Variants in COX16 observed in about 807,000 individuals in gnomAD.
The protein encoded by COX16 is cytochrome c oxidase assembly protein COX16 homolog, mitochondrial.
Under a neutral mutation model 15.4 loss-of-function variants are expected in COX16, and 12 were observed. That is an observed-to-expected ratio of 0.78 (90% CI 0.50 to 1.26). The LOEUF (loss-of-function observed/expected upper bound fraction) is 1.26. Ranked by LOEUF, COX16 falls within the 50% of genes most tolerant of loss-of-function variation. COX16 has a pLI of 0.00. For missense variants in COX16, 124 were observed against 127.6 expected, an observed-to-expected ratio of 0.97 and a Z score of 0.14; for synonymous variants, 46 against 41.1, an observed-to-expected ratio of 1.12 and a Z score of -0.46.
At chr14:70,352,767 T>C (rs1222338215) in intron 1 of COX16, among the ~76,000 whole-genome samples, 2 of 149,650 alleles carry the variant, frequency 1.3e-5, no homozygotes. Flanking sequence ...TGCCTCAGCC[T>C]CCCAACTACA....
At chr14:70,351,785 C>T (rs1263323459) in intron 1 of COX16, among the ~76,000 whole-genome samples, 2 of 152,126 alleles carry the variant, frequency 1.3e-5, no homozygotes, top group Non-Finnish European at 1.5e-5. Context: ...AATGTCACAG[C>T]TTCAAGGTTT....
intron 1 of COX16, among the ~76,000 whole-genome samples, chr14:70,358,549 T>A (rs1203933551): frequency 6.6e-6 from 1 of 151,898 alleles, no homozygotes; most frequent in East Asian, 1.9e-4. Context: ...AAATCCACAT[T>A]TGATGAATGT....
At chr14:70,333,827 G>A (rs1247511731) in intron 2 of COX16, among the ~76,000 whole-genome samples, 5 of 152,176 alleles carry the variant, frequency 3.3e-5, no homozygotes, top group Non-Finnish European at 7.3e-5. Context: ...AAGAGGCTAA[G>A]AGCAATAAGA....
intron 2 of COX16, among the ~76,000 whole-genome samples, chr14:70,331,050 C>T (rs1886271683): frequency 6.6e-6 from 1 of 152,100 alleles, no homozygotes; most frequent in Non-Finnish European, 1.5e-5. Context: ...TCACTGTCAC[C>T]AGGCTGGAAA....
intron 1 of COX16, among the ~76,000 whole-genome samples, chr14:70,345,551 G>A (rs1488580978): frequency 1.3e-5 from 2 of 152,096 alleles, no homozygotes; most frequent in East Asian, 1.9e-4. Flanking sequence ...TTCGCTCTAA[G>A]TACCTGTCTT....
chr14:70,345,376 C>T (rs1886747670), intron 1 of COX16, among the ~76,000 whole-genome samples: 2 of 152,182 alleles, frequency 1.3e-5, no homozygotes, highest in Non-Finnish European at 1.5e-5. Flanking sequence ...AAAAAGGCAG[C>T]GGTGACAGTT....
intron 1 of COX16, among the ~76,000 whole-genome samples, chr14:70,348,543 G>A (rs980565131): frequency 2.6e-5 from 4 of 151,992 alleles, no homozygotes; most frequent in Non-Finnish European, 2.9e-5. Flanking sequence ...CAAGGATGCC[G>A]GCATGCTGGC....
chr14:70,328,597 T>A (rs1046498365), intron 3 of COX16, among the ~76,000 whole-genome samples: 1 of 142,686 alleles, frequency 7.0e-6, no homozygotes, highest in Non-Finnish European at 1.5e-5. Flanking sequence ...AAATTGAGCA[T>A]CTCTTCATAT....
intron 1 of COX16, among the ~76,000 whole-genome samples, chr14:70,357,167 A>T (rs1282055835): frequency 7.0e-6 from 1 of 143,676 alleles, no homozygotes; most frequent in Non-Finnish European, 1.5e-5. Context: ...TCAAAAAAAA[A>T]AAAAAAAAAA....
chr14:70,355,852 G>C (rs1052404973), intron 1 of COX16, among the ~76,000 whole-genome samples: 9 of 152,146 alleles, frequency 5.9e-5, no homozygotes, highest in Non-Finnish European at 1.5e-5. Context: ...CCTCACGAAA[G>C]GCTTGAGGCT....
intron 1 of COX16, among the ~76,000 whole-genome samples, chr14:70,348,023 C>CTTT (rs1167003325): frequency 2.0e-5 from 3 of 152,104 alleles, no homozygotes; most frequent in Non-Finnish European, 4.4e-5. Flanking sequence ...CAGACCTCAC[C>CTTT]AAACCTTTCT....
At chr14:70,352,373 T>TA (rs1245811749) in intron 1 of COX16, among the ~76,000 whole-genome samples, 1 of 151,842 alleles carries the variant, frequency 6.6e-6, no homozygotes, top group Admixed American at 6.6e-5. Flanking sequence ...TTTCACTAGA[T>TA]ACGGGGTTTC....
chr14:70,335,715 C>T (rs962200429), intron 2 of COX16, among the ~76,000 whole-genome samples: 4 of 151,850 alleles, frequency 2.6e-5, no homozygotes, highest in Admixed American at 6.6e-5. Flanking sequence ...GCCTTTTGTA[C>T]TACAACAGCA....
intron 2 of COX16, among the ~76,000 whole-genome samples, chr14:70,332,445 G>A (rs1386313606): frequency 6.6e-6 from 1 of 152,052 alleles, no homozygotes; most frequent in African/African-American, 2.4e-5. Context: ...TGCCCCACTT[G>A]AGCCAACAAG....
intron 1 of COX16, among the ~76,000 whole-genome samples, chr14:70,352,765 C>T (rs533478752): frequency 6.6e-5 from 10 of 150,564 alleles, no homozygotes; most frequent in African/African-American, 2.4e-4. Flanking sequence ...CCTGCCTCAG[C>T]CTCCCAACTA....
chr14:70,347,191 C>G (rs1019366563), intron 1 of COX16, among the ~76,000 whole-genome samples: 3 of 152,114 alleles, frequency 2.0e-5, no homozygotes, highest in Non-Finnish European at 2.9e-5. Context: ...TCACCAGTCA[C>G]CTACTCCACC....
intron 1 of COX16, among the ~76,000 whole-genome samples, chr14:70,358,461 C>T (rs1458213750): frequency 6.7e-6 from 1 of 150,002 alleles, no homozygotes; most frequent in Non-Finnish European, 1.5e-5. Context: ...TTGGCTTCCC[C>T]TAACACTGGG....
intron 1 of COX16, among the ~76,000 whole-genome samples, chr14:70,352,645 CTTTTTT>C (rs576495712): frequency 1.2e-5 from 1 of 84,484 alleles, no homozygotes; most frequent in East Asian, 3.0e-4. Flanking sequence ...CTTTTTTTTT[CTTTTTT>C]TTTTTTTTTT....
intron 1 of COX16, among the ~76,000 whole-genome samples, chr14:70,343,017 C>T (rs1886668549): frequency 6.6e-6 from 1 of 152,080 alleles, no homozygotes; most frequent in African/African-American, 2.4e-5. Context: ...CTGACTCTTA[C>T]AATAGACCTA....
Sources: allele counts gnomAD v4.1 joint callset (sites outside exome capture counted in the v4.1 genomes callset), GRCh38; gene constraint gnomAD v4.1.1; transcripts MANE v1.5; gene names NCBI Gene and HGNC (gene_info 2026-07-23, HGNC 2026-07-21).